Variants in LAMA1 observed in about 807,000 individuals in gnomAD.
LAMA1 encodes laminin subunit alpha 1, also known as laminin subunit alpha-1.
LAMA1 carries 219 observed loss-of-function variants against 348.7 expected under a neutral mutation model. The ratio of observed to expected loss-of-function variants is 0.63; its 90% CI spans 0.56 to 0.70. The LOEUF is 0.70. LAMA1 is among the 30% of genes least tolerant of loss of function. The pLI is 0.00. For synonymous variants in LAMA1, 1,487 were observed against 1,491.0 expected, an observed-to-expected ratio of 1.00 and a Z score of 0.06; for missense variants, 3,744 against 3,888.0, an observed-to-expected ratio of 0.96 and a Z score of 0.99.
intron 3 of LAMA1, among the ~76,000 whole-genome samples, chr18:7,073,928 G>A (rs997406043): frequency 1.1e-4 from 13 of 114,654 alleles, no homozygotes; most frequent in Non-Finnish European, 2.1e-4. Context: ...TCCACCTCCC[G>A]GGTTCAAGCT....
chr18:6,979,664 C>T (rs1403899630), intron 42 of LAMA1, among the ~76,000 whole-genome samples: 25 of 152,158 alleles, frequency 1.6e-4, no homozygotes, highest in South Asian at 2.1e-4. Flanking sequence ...CTTTGGGAGG[C>T]CAAGGCGGGC....
At chr18:6,963,464 C>A (rs917545109) in intron 51 of LAMA1, among the ~76,000 whole-genome samples, 1 of 152,192 alleles carries the variant, frequency 6.6e-6, no homozygotes, top group Non-Finnish European at 1.5e-5. Flanking sequence ...GATCAGGAGG[C>A]GGCTGTGGTT....
In LAMA1 at chr18:6,964,642, A is replaced by C. The variant is rs755916997; in HGVS notation, c.7337+20T>G. On this transcript the variant is annotated intron_variant, in intron 51 of 62. Transcript: ENST00000389658. ...TAAAGTTGGAAATCAGCGACATGAA[A>C]ATTCTGCAGTTTAATATACCTTACA... 1.2e-6 allele frequency: 2 copies of C among 1,614,074 alleles called. No homozygotes were observed. Among genetic ancestry groups the C allele is most frequent in the South Asian group, 1.1e-5 (1 of 91,066 alleles).
chr18:7,013,506 C>T (rs1279359144), intron 23 of LAMA1, among the ~76,000 whole-genome samples: 1 of 152,102 alleles, frequency 6.6e-6, no homozygotes, highest in East Asian at 1.9e-4. Flanking sequence ...ATCCCGAAGC[C>T]CTGAGAAACC....
chr18:7,003,524 C>T (rs374975520), intron 29 of LAMA1, among the ~76,000 whole-genome samples: 1 of 152,148 alleles, frequency 6.6e-6, no homozygotes, highest in African/African-American at 2.4e-5. Context: ...TCCCAAAGTG[C>T]TGGGATTACA....
At chr18:6,990,749 T>A (rs1600376778) in intron 36 of LAMA1, among the ~76,000 whole-genome samples, 2 of 152,296 alleles carry the variant, frequency 1.3e-5, no homozygotes, top group Middle Eastern at 3.4e-3. Flanking sequence ...TGTCTCCGAC[T>A]GTCCAAATTC....
intron 47 of LAMA1, 109 bp downstream of exon 47, chr18:6,972,948 C>T: frequency 7.7e-7 from 1 of 1,293,298 alleles, no homozygotes; most frequent in East Asian, 2.3e-5. Context: ...ACCTTGGCCT[C>T]CCAAAGTTCT....
chr18:6,989,232 G>C (rs1321331323), intron 36 of LAMA1, among the ~76,000 whole-genome samples: 1 of 152,032 alleles, frequency 6.6e-6, no homozygotes, highest in African/African-American at 2.4e-5. Context: ...GATCCCACAT[G>C]GGGAGAGGAC....
At chr18:7,080,179 C>T in intron 2 of LAMA1, 92 bp from the exon 3 acceptor site, 8 of 1,559,452 alleles carry the variant, frequency 5.1e-6, no homozygotes, top group Non-Finnish European at 7.1e-6. Context: ...AAACAAAGAG[C>T]AGTGAAGGTG....
chr18:7,007,492 A>G (rs1179063080), intron 28 of LAMA1, among the ~76,000 whole-genome samples: 1 of 151,682 alleles, frequency 6.6e-6, no homozygotes, highest in Non-Finnish European at 1.5e-5. Context: ...AAAAACTAAC[A>G]AGTATTGGTG....
rs774242712 is a variant in LAMA1, at chr18:7,009,375, T to C, written c.3874-9A>G. ...AAATATTTCCAAAAATTCTGTAGAATGAGAAACACATTCAATTAAGCTCAG... is the reference window on the plus strand; with the variant it reads ...AAATATTTCCAAAAATTCTGTAGAACGAGAAACACATTCAATTAAGCTCAG... On this transcript the variant is annotated splice_polypyrimidine_tract_variant and intron_variant, in intron 26 of 62. Transcript: ENST00000389658. The C allele has an allele frequency of 1.2e-6, 2 of 1,613,808 alleles. No individual in the cohort carries two copies. Among genetic ancestry groups the C allele is most frequent in the African/African-American group, 2.7e-5 (2 of 74,930 alleles).
chr18:7,031,819 T>C (rs1008352232), intron 16 of LAMA1, among the ~76,000 whole-genome samples: 1 of 141,496 alleles, frequency 7.1e-6, no homozygotes, highest in South Asian at 2.2e-4. Context: ...ATTAATCTAA[T>C]AAAAAGAACT....
At chr18:6,972,062 C>T in intron 47 of LAMA1, 81 bp from the exon 48 acceptor site, 2 of 1,551,690 alleles carry the variant, frequency 1.3e-6, no homozygotes, top group African/African-American at 1.4e-5. Context: ...CAAAACTTCT[C>T]TCTGGGAGCT....
In LAMA1 at chr18:7,117,641, G is replaced by A. The variant is rs1278505858; in HGVS notation, c.61+19C>T. On this transcript the variant is annotated intron_variant, in intron 1 of 62. Transcript: ENST00000389658. ...CCGCCTGCGGGGGACAGGGACCCTA[G>A]GACCCGGGCCGGGCTCACCTCTCTG... 3 of 1,595,362 alleles carry A rather than the reference G, an allele frequency of 1.9e-6. No individual in the cohort carries two copies. The Admixed American group carries it at 5.0e-5, about 27-fold the overall frequency.
intron 27 of LAMA1, 93 bp downstream of exon 27, chr18:7,009,146 A>C (rs1051401366): frequency 1.5e-6 from 2 of 1,370,148 alleles, no homozygotes; most frequent in Non-Finnish European, 2.1e-6. Flanking sequence ...GGATTAATAA[A>C]AATAGTAGGT....
At position 7,050,674 on chromosome 18, in the gene LAMA1, G is replaced by A; in HGVS notation, c.588+20C>T. ...CTCTGATGAGGAAACAGATCTTGCTGCAGCGGGCACCATACCTACCTCTCC... is the reference window on the plus strand; with the variant it reads ...CTCTGATGAGGAAACAGATCTTGCTACAGCGGGCACCATACCTACCTCTCC... On this transcript the variant is annotated intron_variant, in intron 4 of 62. Coordinates refer to ENST00000389658, the MANE Select transcript of LAMA1 (RefSeq NM_005559.4). 6.2e-7 allele frequency: 1 copy of A among 1,613,118 alleles called. No homozygotes were observed. The highest frequency in any genetic ancestry group is 8.5e-7 in the Non-Finnish European group (1 of 1,180,022).
chr18:6,957,437 T>C (rs989564111), intron 55 of LAMA1: 2 of 154,252 alleles, frequency 1.3e-5, no homozygotes, highest in African/African-American at 4.8e-5. Flanking sequence ...TCTGACATTA[T>C]GATTGTATTC....
At chr18:7,011,066 G>A (rs2057857561) in intron 25 of LAMA1, among the ~76,000 whole-genome samples, 1 of 152,126 alleles carries the variant, frequency 6.6e-6, no homozygotes, top group Non-Finnish European at 1.5e-5. Context: ...GCTTTAGGAA[G>A]AACCAAATTA....
chr18:6,985,893 G>C (rs374272188), intron 37 of LAMA1, among the ~76,000 whole-genome samples: 1 of 152,102 alleles, frequency 6.6e-6, no homozygotes, highest in African/African-American at 2.4e-5. Context: ...CGAGTAGCTG[G>C]GACTACAGGC....
Sources: allele counts gnomAD v4.1 joint callset (sites outside exome capture counted in the v4.1 genomes callset), GRCh38; gene constraint gnomAD v4.1.1; transcripts MANE v1.5; gene names NCBI Gene and HGNC (gene_info 2026-07-23, HGNC 2026-07-21).